Variants in PDE10A observed in about 807,000 individuals in gnomAD.
PDE10A encodes cAMP and cAMP-inhibited cGMP 3',5'-cyclic phosphodiesterase 10A.
A neutral mutation model predicts 97.7 loss-of-function variants in PDE10A; 39 were observed. That is an observed-to-expected ratio of 0.40 (90% CI 0.31 to 0.52). The LOEUF (loss-of-function observed/expected upper bound fraction) is 0.52, where lower values mean the gene tolerates loss of function less well. PDE10A is among the 20% of genes least tolerant of loss of function. PDE10A has a pLI of 0.56. For missense variants in PDE10A, 731 were observed against 1,047.8 expected, an observed-to-expected ratio of 0.70 and a Z score of 4.17; for synonymous variants, 371 against 376.8, an observed-to-expected ratio of 0.98 and a Z score of 0.18.
intron 1 of PDE10A, among the ~76,000 whole-genome samples, chr6:165,610,164 T>G (rs961517971): frequency 1.3e-5 from 2 of 152,186 alleles, no homozygotes; most frequent in African/African-American, 4.8e-5. Flanking sequence ...AACAGAGACA[T>G]AGACCAATGG....
intron 20 of PDE10A, among the ~76,000 whole-genome samples, chr6:165,338,983 G>A (rs1420221872): frequency 2.0e-5 from 3 of 152,174 alleles, no homozygotes; most frequent in Admixed American, 1.3e-4. Flanking sequence ...GTTAGAGTTG[G>A]CCGTCAAACT....
intron 1 of PDE10A, among the ~76,000 whole-genome samples, chr6:165,575,081 C>T (rs1785234734): frequency 6.6e-6 from 1 of 152,094 alleles, no homozygotes; most frequent in South Asian, 2.1e-4. Flanking sequence ...CATCTAGTTT[C>T]TCTCCCATTT....
At chr6:165,669,263 C>T (rs949118950) in intron 1 of PDE10A, among the ~76,000 whole-genome samples, 3 of 152,176 alleles carry the variant, frequency 2.0e-5, no homozygotes, top group Admixed American at 2.0e-4. Flanking sequence ...CAGAGACACC[C>T]GGTGCTAACT....
At chr6:165,346,875 G>C (rs1583080199) in intron 18 of PDE10A, among the ~76,000 whole-genome samples, 1 of 151,374 alleles carries the variant, frequency 6.6e-6, no homozygotes. Flanking sequence ...GCAAAGACCA[G>C]AATTCTGTTA....
At chr6:165,843,434 G>A (rs1040106851) in intron 1 of PDE10A, among the ~76,000 whole-genome samples, 2 of 152,182 alleles carry the variant, frequency 1.3e-5, no homozygotes, top group African/African-American at 2.4e-5. Flanking sequence ...CCCTAGGCTC[G>A]GTAATTTATA....
intron 3 of PDE10A, among the ~76,000 whole-genome samples, chr6:165,480,445 G>T (rs1010678301): frequency 1.3e-5 from 2 of 152,078 alleles, no homozygotes; most frequent in Non-Finnish European, 2.9e-5. Context: ...AATTAGCTGG[G>T]CATGGTGGCA....
chr6:165,411,214 G>A (rs1562439116), intron 13 of PDE10A, among the ~76,000 whole-genome samples: 2 of 151,616 alleles, frequency 1.3e-5, no homozygotes, highest in East Asian at 3.9e-4. Flanking sequence ...CAAGAGGTCT[G>A]CAGATGAGAT....
At chr6:165,960,708 A>C (rs1439202875) in intron 1 of PDE10A, among the ~76,000 whole-genome samples, 1 of 152,196 alleles carries the variant, frequency 6.6e-6, no homozygotes, top group African/African-American at 2.4e-5. Context: ...TGCAGATATG[A>C]GGGCGCTAGA....
chr6:165,475,142 TGAAA>T (rs1372734529), intron 3 of PDE10A, among the ~76,000 whole-genome samples: 1 of 152,186 alleles, frequency 6.6e-6, no homozygotes, highest in Non-Finnish European at 1.5e-5. Flanking sequence ...CAAACTCCTC[TGAAA>T]GAAACCATTT....
chr6:165,416,534 C>T (rs1325970096), intron 11 of PDE10A, among the ~76,000 whole-genome samples: 2 of 152,284 alleles, frequency 1.3e-5, no homozygotes, highest in East Asian at 1.9e-4. Flanking sequence ...AACTAGTATC[C>T]TCCTGCTCTG....
chr6:165,397,562 T>TTAGC, intron 13 of PDE10A, among the ~76,000 whole-genome samples: 1 of 151,662 alleles, frequency 6.6e-6, no homozygotes, highest in African/African-American at 2.4e-5. Flanking sequence ...AATAGAAAAA[T>TTAGC]CAGCTGGGTG....
At chr6:165,987,383 C>G (rs1363106609) in intron 1 of PDE10A, 17 of 316,654 alleles carry the variant, frequency 5.4e-5, no homozygotes, top group South Asian at 4.0e-4. Context: ...ACACCACACA[C>G]GCGCACACGT....
chr6:165,430,200 T>A (rs372978018), intron 9 of PDE10A, 87 bp downstream of exon 9: 1 of 863,084 alleles, frequency 1.2e-6, no homozygotes, highest in South Asian at 1.5e-5. Context: ...TCAGCTGCAA[T>A]AGACAATGGT....
At chr6:165,495,543 C>CGA (rs140165606) in intron 2 of PDE10A, among the ~76,000 whole-genome samples, 41,350 of 151,868 alleles carry the variant, frequency 0.27, 5,991 homozygotes, top group African/African-American at 0.38. Flanking sequence ...TAAAAACACT[C>CGA]GAGTATTTTT....
chr6:165,917,312 G>A (rs1401401109), intron 1 of PDE10A, among the ~76,000 whole-genome samples: 1 of 116,660 alleles, frequency 8.6e-6, no homozygotes, highest in Non-Finnish European at 1.9e-5. Flanking sequence ...ACTGCACCAA[G>A]AGCATGGCCA....
chr6:165,932,752 A>C (rs965273076), intron 1 of PDE10A, among the ~76,000 whole-genome samples: 2 of 152,240 alleles, frequency 1.3e-5, no homozygotes, highest in Admixed American at 1.3e-4. Flanking sequence ...GATTACAGGC[A>C]TGAGCCACCA....
chr6:165,369,704 T>C lies in PDE10A; in HGVS notation c.2783+9490A>G, dbSNP rs183251726. Among the ~76,000 whole-genome samples the C allele has an allele frequency of 7.0e-3, 958 of 137,566 alleles. 17 individuals carry two copies. Among genetic ancestry groups the C allele is most frequent in the African/African-American group, 0.027 (920 of 34,046 alleles). The allele number at this position is 137,566 out of a possible 152,430, so 90.2% of individuals were successfully genotyped here. ...CCCAACCTAGCAAGGCAGGCCAACG[T>C]TCAGGTTCAGGAAATACAGAGAACG... is the stretch of plus-strand genomic sequence containing the variant. On this transcript the variant is annotated intron_variant, in intron 18 of 21. Coordinates refer to ENST00000539869, the MANE Select transcript of PDE10A (RefSeq NM_001385079.1).
chr6:165,707,694 TGA>T (rs1329464116), intron 1 of PDE10A, among the ~76,000 whole-genome samples: 3 of 151,928 alleles, frequency 2.0e-5, no homozygotes, highest in South Asian at 4.2e-4. Context: ...AGCATGTGTG[TGA>T]GTGTGTGAGA....
intron 1 of PDE10A, among the ~76,000 whole-genome samples, chr6:165,641,167 G>A (rs1429739586): frequency 6.6e-6 from 1 of 152,146 alleles, no homozygotes; most frequent in East Asian, 1.9e-4. Context: ...GGGCCAGTAA[G>A]GGGTGACTGA....
Sources: gnomAD v4.1 joint callset for allele counts (sites outside exome capture counted in the v4.1 genomes callset) on GRCh38, gnomAD v4.1.1 for gene constraint, MANE v1.5 for transcripts, NCBI Gene and HGNC (gene_info 2026-07-23, HGNC 2026-07-21) for gene names.